The following ROCK2 variants were observed in gnomAD, a reference collection of about 807,000 sequenced individuals.
ROCK2 encodes rho-associated protein kinase 2.
Under a neutral mutation model 195.1 loss-of-function variants are expected in ROCK2, and 61 were observed. The ratio of observed to expected loss-of-function variants is 0.31; its 90% confidence interval spans 0.25 to 0.39. The LOEUF (loss-of-function observed/expected upper bound fraction) is 0.39, where lower values mean the gene tolerates loss of function less well. Among genes scored for constraint, ROCK2 ranks in the 10% least tolerant of loss-of-function variants. The pLI, the probability that ROCK2 is intolerant of heterozygous loss-of-function variation, is 1.00. For missense variants in ROCK2, 1,109 were observed against 1,637.4 expected, an observed-to-expected ratio of 0.68 and a Z score of 5.57; for synonymous variants, 504 against 545.5, an observed-to-expected ratio of 0.92 and a Z score of 1.06.
chr2:11,233,955 A>C (rs1439704917), intron 5 of ROCK2: 3 of 152,210 alleles, frequency 2.0e-5, no homozygotes, highest in African/African-American at 7.2e-5. Flanking sequence ...AATTAACTCA[A>C]CTGTCTGTAT....
chr2:11,222,521 C>G (rs1247098858), intron 7 of ROCK2, among the ~76,000 whole-genome samples: 1 of 152,142 alleles, frequency 6.6e-6, no homozygotes, highest in Non-Finnish European at 1.5e-5. Context: ...AGACATAGGT[C>G]TAACTTTCGG....
intron 32 of ROCK2, among the ~76,000 whole-genome samples, chr2:11,191,327 C>T (rs1663414214): frequency 6.6e-6 from 1 of 152,142 alleles, no homozygotes; most frequent in South Asian, 2.1e-4. Context: ...AAAATGGCTC[C>T]ATCAAAATGT....
At chr2:11,288,462 G>A (rs1167310044) in intron 1 of ROCK2, among the ~76,000 whole-genome samples, 1 of 152,142 alleles carries the variant, frequency 6.6e-6, no homozygotes, top group Non-Finnish European at 1.5e-5. Flanking sequence ...GTGGAAGGTA[G>A]GAGGAAACAT....
intron 5 of ROCK2, among the ~76,000 whole-genome samples, chr2:11,232,386 C>A (rs1665051581): frequency 6.6e-6 from 1 of 152,160 alleles, no homozygotes; most frequent in East Asian, 1.9e-4. Context: ...ACCCTGGCCT[C>A]CCAAAGTGCT....
intron 3 of ROCK2, among the ~76,000 whole-genome samples, chr2:11,267,702 T>C (rs1325026032): frequency 2.7e-5 from 1 of 37,598 alleles, no homozygotes; most frequent in African/African-American, 6.7e-5. Flanking sequence ...TCAATACGCC[T>C]TTTTTTTTTT....
chr2:11,282,328 G>A (rs986291629), intron 3 of ROCK2, among the ~76,000 whole-genome samples: 10 of 152,130 alleles, frequency 6.6e-5, no homozygotes, highest in African/African-American at 2.2e-4. Flanking sequence ...TCCAGCCTGC[G>A]CAACAGAGGA....
At chr2:11,190,364 TTTAA>T in intron 32 of ROCK2, among the ~76,000 whole-genome samples, 1 of 108,612 alleles carries the variant, frequency 9.2e-6, no homozygotes, top group Admixed American at 1.0e-4. Context: ...CCAGAAGTTT[TTTAA>T]AAAAAAAAAA....
chr2:11,333,787 G>A (rs759871963), intron 1 of ROCK2, among the ~76,000 whole-genome samples: 10 of 152,048 alleles, frequency 6.6e-5, no homozygotes, highest in African/African-American at 1.9e-4. Context: ...CATCTGCCCT[G>A]CTCATAAAGT....
At chr2:11,204,463 A>G (rs1663976841) in intron 20 of ROCK2, among the ~76,000 whole-genome samples, 1 of 152,086 alleles carries the variant, frequency 6.6e-6, no homozygotes, top group South Asian at 2.1e-4. Context: ...CTTCAGTCTA[A>G]AGACATTTCT....
At chr2:11,236,544 T>C (rs1480624964) in intron 4 of ROCK2, among the ~76,000 whole-genome samples, 2 of 152,198 alleles carry the variant, frequency 1.3e-5, no homozygotes, top group Admixed American at 6.5e-5. Context: ...TTCAGTTTAC[T>C]GAGACTATAG....
chr2:11,331,237 A>G (rs1300564836), intron 1 of ROCK2, among the ~76,000 whole-genome samples: 2 of 152,190 alleles, frequency 1.3e-5, no homozygotes, highest in African/African-American at 4.8e-5. Flanking sequence ...TCACACCTAA[A>G]TACAAAGCAA....
intron 3 of ROCK2, among the ~76,000 whole-genome samples, chr2:11,269,853 C>G (rs1213062422): frequency 6.6e-6 from 1 of 152,150 alleles, no homozygotes; most frequent in Non-Finnish European, 1.5e-5. Flanking sequence ...CAGGCTCAAG[C>G]AATCCTGCCA....
rs1669055445 is a variant in ROCK2 at position 11,340,057 on chromosome 2, T to C, written c.141+3939A>G. Among the ~76,000 whole-genome samples, 2 of 152,244 alleles carry C rather than the reference T, an allele frequency of 1.3e-5. 1 individual carries two copies. Among genetic ancestry groups the C allele is most frequent in the South Asian group, 4.1e-4 (2 of 4,838 alleles). On this transcript the variant is annotated intron_variant, in intron 1 of 32. Transcript: ENST00000315872. ...TAGGTTTCAAGATAATTATCCACTA[T>C]TTATTTACAGCTACTGAAGTGTATG...
chr2:11,271,287 G>A (rs1165576718), intron 3 of ROCK2, among the ~76,000 whole-genome samples: 2 of 152,176 alleles, frequency 1.3e-5, no homozygotes, highest in Non-Finnish European at 2.9e-5. Flanking sequence ...GACTCTGGTT[G>A]AGCTCTTGGA....
intron 3 of ROCK2, among the ~76,000 whole-genome samples, chr2:11,268,246 G>A (rs1325648696): frequency 2.0e-5 from 3 of 152,134 alleles, no homozygotes; most frequent in Admixed American, 2.0e-4. Context: ...GGGCTAAGTG[G>A]TGGTCAAGTC....
In ROCK2 at chr2:11,214,426, G is replaced by A; in HGVS notation, c.1974C>T (p.Gly658=). 1 of 1,610,328 alleles carries A rather than the reference G, an allele frequency of 6.2e-7. No homozygotes were observed. The highest frequency in any genetic ancestry group is 8.5e-7 in the Non-Finnish European group (1 of 1,177,402). ...ICGLEEDLKN[G]KILLAKVELE... Reference sequence around the variant, plus strand: ...GTTCTACTTTCGCTAGTAAGATTTTGCCGTTCTTTAAATCTTCTTCTAGGC... The same window carrying A: ...GTTCTACTTTCGCTAGTAAGATTTTACCGTTCTTTAAATCTTCTTCTAGGC... The change falls in exon 17 of 33, where the codon GGC becomes GGT. Residue 658 remains glycine (G), a synonymous_variant. Coordinates refer to ENST00000315872, the MANE Select transcript of ROCK2 (RefSeq NM_004850.5).
intron 3 of ROCK2, among the ~76,000 whole-genome samples, chr2:11,256,881 T>C (rs369428339): frequency 6.6e-6 from 1 of 151,318 alleles, no homozygotes; most frequent in Non-Finnish European, 1.5e-5. Flanking sequence ...TACCTTCAGT[T>C]GGAAATATTA....
intron 1 of ROCK2, among the ~76,000 whole-genome samples, chr2:11,300,562 C>A (rs1036066062): frequency 6.6e-6 from 1 of 152,226 alleles, no homozygotes; most frequent in East Asian, 1.9e-4. Flanking sequence ...CCACACCCGG[C>A]CAACAACTAT....
At position 11,338,250 on chromosome 2, in the gene ROCK2, AG is replaced by A. The variant is rs558082334; in HGVS notation, c.141+5745del. ...CCTGTAGTCCCTACTAGAGGGGCTA[AG>A]TTGGAAGGATCATTGAGACCAGGAG... On this transcript the variant is annotated intron_variant, in intron 1 of 32. Coordinates refer to ENST00000315872, the MANE Select transcript of ROCK2 (RefSeq NM_004850.5). Among the ~76,000 whole-genome samples the A allele has an allele frequency of 7.0e-3, 1,065 of 152,224 alleles. 15 individuals are homozygous for A. Among genetic ancestry groups the A allele is most frequent in the African/African-American group, 0.024 (1,013 of 41,544 alleles).
Sources: gnomAD v4.1 joint callset for allele counts (sites outside exome capture counted in the v4.1 genomes callset) on GRCh38, gnomAD v4.1.1 for gene constraint, MANE v1.5 for transcripts, NCBI Gene and HGNC (gene_info 2026-07-23, HGNC 2026-07-21) for gene names.